GNAL: variants seen among roughly 807,000 people sequenced by gnomAD.
GNAL encodes guanine nucleotide-binding protein G(olf) subunit alpha.
GNAL carries 18 observed loss-of-function variants against 55.1 expected under a neutral mutation model. The observed-to-expected ratio is 0.33, with a 90% CI of 0.23 to 0.48. The LOEUF (loss-of-function observed/expected upper bound fraction) is 0.48, where lower values mean the gene tolerates loss of function less well. Ranked by LOEUF, GNAL falls within the 20% of genes least tolerant of loss-of-function variation. GNAL has a pLI of 0.99. For synonymous variants in GNAL, 253 were observed against 237.0 expected (o/e 1.07, Z -0.62); for missense variants, 412 against 614.1 (o/e 0.67, Z 3.48).
At chr18:11,759,854 T>C (rs984635995) in intron 4 of GNAL, among the ~76,000 whole-genome samples, 9 of 152,306 alleles carry the variant, frequency 5.9e-5, no homozygotes, top group African/African-American at 2.2e-4. Flanking sequence ...CCTGTGTCTA[T>C]CTCCTGCTAG....
chr18:11,837,509 G>A (rs564946540), intron 5 of GNAL, among the ~76,000 whole-genome samples: 58 of 152,274 alleles, frequency 3.8e-4, no homozygotes, highest in African/African-American at 1.3e-3. Flanking sequence ...AATCAGCCAC[G>A]AAAAGATGCT....
intron 5 of GNAL, among the ~76,000 whole-genome samples, chr18:11,832,887 T>A (rs919795754): frequency 1.3e-5 from 2 of 151,868 alleles, no homozygotes; most frequent in African/African-American, 4.8e-5. Context: ...TAAATAAAAA[T>A]TTTAAAAAAT....
intron 5 of GNAL, chr18:11,857,628 A>G (rs1471381530): frequency 2.0e-6 from 2 of 985,482 alleles, no homozygotes; most frequent in East Asian, 1.1e-4. Context: ...ACGAGTCACC[A>G]TGAATCACTG....
At chr18:11,796,131 T>C (rs761955332) in intron 4 of GNAL, among the ~76,000 whole-genome samples, 1 of 152,038 alleles carries the variant, frequency 6.6e-6, no homozygotes, top group Non-Finnish European at 1.5e-5. Flanking sequence ...AAACCACAAA[T>C]TTACAGAATG....
At chr18:11,758,854 C>T (rs1177563068) in intron 4 of GNAL, among the ~76,000 whole-genome samples, 1 of 152,172 alleles carries the variant, frequency 6.6e-6, no homozygotes, top group Non-Finnish European at 1.5e-5. Flanking sequence ...TATGCCAAAA[C>T]ATAGATTAGC....
At chr18:11,794,780 A>G (rs2034333381) in intron 4 of GNAL, among the ~76,000 whole-genome samples, 1 of 151,688 alleles carries the variant, frequency 6.6e-6, no homozygotes, top group Admixed American at 6.6e-5. Context: ...AAAAAAAAAA[A>G]AAAAGGACAG....
At chr18:11,865,175 C>T (rs1354531735) in intron 7 of GNAL, among the ~76,000 whole-genome samples, 4 of 150,312 alleles carry the variant, frequency 2.7e-5, no homozygotes, top group Middle Eastern at 3.2e-3. Flanking sequence ...TTCTCAGTGC[C>T]ACGAAATGAA....
chr18:11,871,253 C>CTT (rs759232588), intron 9 of GNAL, among the ~76,000 whole-genome samples: 6 of 138,650 alleles, frequency 4.3e-5, no homozygotes, highest in African/African-American at 5.2e-5. Context: ...GTTTTTCTTT[C>CTT]TTTTTTTTTT....
intron 4 of GNAL, among the ~76,000 whole-genome samples, chr18:11,793,908 C>CG (rs1555651133): frequency 2.9e-4 from 39 of 132,352 alleles, no homozygotes; most frequent in Admixed American, 2.2e-3. Flanking sequence ...GACTCCATCT[C>CG]GGGAAAAAAA....
intron 5 of GNAL, among the ~76,000 whole-genome samples, chr18:11,839,569 ATTTTT>A (rs1332000271): frequency 2.0e-5 from 3 of 150,286 alleles, no homozygotes; most frequent in Admixed American, 6.7e-5. Context: ...AAAAAAAAAA[ATTTTT>A]TTTCTTTAAA....
In GNAL at chr18:11,701,389, G is replaced by A. The variant is rs192415303; in HGVS notation, c.376+11450G>A. ...GTGGATTGCTTGAGGTCATGAGTTC[G>A]AGACCAGCCTGGCCAACATGGTGAA... On this transcript the variant is annotated intron_variant, in intron 1 of 11. Transcript: ENST00000334049. Among the ~76,000 whole-genome samples the A allele has an allele frequency of 3.2e-3, 489 of 151,936 alleles. 1 individual carries two copies. The highest frequency in any genetic ancestry group is 0.01 in the Middle Eastern group (3 of 294).
chr18:11,731,258 G>A (rs138876811), intron 1 of GNAL, among the ~76,000 whole-genome samples: 128 of 152,252 alleles, frequency 8.4e-4, no homozygotes, highest in Non-Finnish European at 1.4e-3. Context: ...AGCGATTATC[G>A]TGTCTCAGCC....
intron 4 of GNAL, among the ~76,000 whole-genome samples, chr18:11,762,032 T>A (rs1396126946): frequency 6.6e-6 from 1 of 152,108 alleles, no homozygotes; most frequent in Non-Finnish European, 1.5e-5. Context: ...AGGAAAACAG[T>A]GATGTGTGTT....
rs1192071835 is a variant in GNAL, at chr18:11,753,567, CAATT to C, written c.450-60_450-57del. On this transcript the variant is annotated intron_variant, in intron 2 of 11. Transcript: ENST00000334049. ...GTAGCTGGAAATTTAAAATCCCACT[CAATT>C]GATTGGAATCAGTGCTAAGAGTAAA... 51 of 1,057,580 alleles carry C rather than the reference CAATT, an allele frequency of 4.8e-5. 1 individual carries two copies. Among genetic ancestry groups the C allele is most frequent in the Middle Eastern group, 2.4e-4 (1 of 4,136 alleles). The allele number at this position is 1,057,580 out of a possible 1,614,324, so 65.5% of individuals were successfully genotyped here.
intron 4 of GNAL, among the ~76,000 whole-genome samples, chr18:11,776,238 A>G (rs938073813): frequency 6.6e-6 from 1 of 152,194 alleles, no homozygotes; most frequent in African/African-American, 2.4e-5. Context: ...TTTGGCTCTG[A>G]CGATACAAAA....
chr18:11,869,779 C>T (rs1405352637), intron 9 of GNAL, among the ~76,000 whole-genome samples: 1 of 151,766 alleles, frequency 6.6e-6, no homozygotes, highest in Admixed American at 6.6e-5. Context: ...CATGGTGGGG[C>T]GCGCTTGTAG....
intron 4 of GNAL, among the ~76,000 whole-genome samples, chr18:11,758,092 G>A (rs2033120275): frequency 6.6e-6 from 1 of 152,160 alleles, no homozygotes; most frequent in South Asian, 2.1e-4. Context: ...GGTAAAGCAG[G>A]AGAAAATGAC....
At position 11,689,269 on chromosome 18, in the gene GNAL, T is replaced by G; in HGVS notation, c.-295T>G. 7.7e-6 allele frequency: 2 copies of G among 259,646 alleles called. No homozygotes were observed. The highest frequency in any genetic ancestry group is 1.5e-5 in the Non-Finnish European group (2 of 137,240). The allele number at this position is 259,646 out of a possible 1,614,324, so 16.1% of individuals were successfully genotyped here. A position where few individuals can be genotyped will look rare whatever the true frequency, so the allele number is the denominator to read the frequency against. On this transcript the variant is annotated 5_prime_UTR_variant, in exon 1 of 12. Coordinates refer to ENST00000334049, the MANE Select transcript of GNAL (RefSeq NM_182978.4). The stretch of plus-strand genomic sequence containing the variant: ...GGCCGGGCTCGCGGAGGCCCGTCGG[T>G]TCGGTCCGCTCTGGGCGTTAGCAAG...
intron 1 of GNAL, among the ~76,000 whole-genome samples, chr18:11,705,300 GGT>G (rs1458545991): frequency 6.6e-6 from 1 of 152,104 alleles, no homozygotes; most frequent in Non-Finnish European, 1.5e-5. Flanking sequence ...TCTTTTTTAA[GGT>G]TGAATAATAT....
Sources: allele counts gnomAD v4.1 joint callset (sites outside exome capture counted in the v4.1 genomes callset), GRCh38; gene constraint gnomAD v4.1.1; transcripts MANE v1.5; gene names NCBI Gene and HGNC (gene_info 2026-07-23, HGNC 2026-07-21).